HDAC9: variants seen among roughly 807,000 people sequenced by gnomAD.
HDAC9 encodes histone deacetylase 9.
Under a neutral mutation model 139.4 loss-of-function variants are expected in HDAC9, and 41 were observed. The ratio of observed to expected loss-of-function variants is 0.29; its 90% CI spans 0.23 to 0.38. HDAC9 has a LOEUF of 0.38. Among genes scored for constraint, HDAC9 ranks in the 10% least tolerant of loss-of-function variants. HDAC9 has a pLI of 1.00. For synonymous variants in HDAC9, 517 were observed against 476.2 expected (o/e 1.09, Z -1.12); for missense variants, 1,147 against 1,297.0 (o/e 0.88, Z 1.78).
intron 17 of HDAC9, among the ~76,000 whole-genome samples, chr7:18,817,098 G>T (rs1290450959): frequency 6.6e-6 from 1 of 150,832 alleles, no homozygotes; most frequent in Non-Finnish European, 1.5e-5. Flanking sequence ...ACAGTGGTGC[G>T]ATCTGGGCTC....
At chr7:18,573,488 G>T (rs1476976701) in intron 2 of HDAC9, among the ~76,000 whole-genome samples, 2 of 152,226 alleles carry the variant, frequency 1.3e-5, no homozygotes, top group Non-Finnish European at 2.9e-5. Flanking sequence ...TTCTGCCTGA[G>T]TATTGCTAGT....
chr7:18,094,472 G>T (rs1413562269), intron 1 of HDAC9, among the ~76,000 whole-genome samples: 10 of 140,148 alleles, frequency 7.1e-5, no homozygotes, highest in African/African-American at 2.2e-4. Context: ...GCAGGGTCTT[G>T]CTCTACTCCC....
intron 14 of HDAC9, among the ~76,000 whole-genome samples, chr7:18,752,714 GA>G (rs1367201507): frequency 4.6e-5 from 7 of 152,108 alleles, no homozygotes; most frequent in Non-Finnish European, 7.4e-5. Flanking sequence ...GATTCCACAG[GA>G]AAGGGTATAA....
chr7:18,303,375 TTGTGTGTGTGTGTGTGTG>T (rs71014320), intron 1 of HDAC9, among the ~76,000 whole-genome samples: 241 of 127,790 alleles, frequency 1.9e-3, no homozygotes, highest in Middle Eastern at 3.7e-3. Context: ...CCCAGCCAAT[TTGTGTGTGTGTGTGTGTG>T]TGTGTGTGTG....
At chr7:18,684,726 C>T (rs978465883) in intron 12 of HDAC9, among the ~76,000 whole-genome samples, 3 of 151,832 alleles carry the variant, frequency 2.0e-5, no homozygotes, top group Non-Finnish European at 2.9e-5. Context: ...CCCCAAGAGA[C>T]AGTTGGTTTA....
chr7:18,648,671 C>G lies in HDAC9; in HGVS notation c.1455C>G (p.Ile485Met). 6.2e-7 allele frequency: 1 copy of G among 1,611,768 alleles called. No homozygotes were observed. Among genetic ancestry groups the G allele is most frequent in the Non-Finnish European group, 8.5e-7 (1 of 1,178,752 alleles). Residue 485 changes from isoleucine to methionine, a missense_variant, in exon 11 of 26, where the codon ATC (isoleucine) becomes ATG (methionine). By Grantham distance (10) the Ile-to-Met change is conservative. Transcript: ENST00000686413. Reference sequence around the variant, plus strand: ...AGCAGAAGCAATACCAGCAGCAGATCCACATGAACAAAGTAAGCCTCCAAG... The same window carrying G: ...AGCAGAAGCAATACCAGCAGCAGATGCACATGAACAAAGTAAGCCTCCAAG... ...LEKQKQYQQQ[I>M]HMNKLLSKSI...
chr7:18,231,896 C>T (rs796126176), intron 2 of HDAC9, among the ~76,000 whole-genome samples: 11 of 152,108 alleles, frequency 7.2e-5, no homozygotes, highest in African/African-American at 2.7e-4. Flanking sequence ...CATTTGTATT[C>T]CATTGTTAAA....
chr7:18,981,907 G>T (rs1302705553), intron 25 of HDAC9, among the ~76,000 whole-genome samples: 1 of 151,600 alleles, frequency 6.6e-6, no homozygotes, highest in South Asian at 2.1e-4. Context: ...TATAATAAAT[G>T]ACAAGTCTTT....
At chr7:18,466,768 G>T (rs1794313027) in intron 1 of HDAC9, among the ~76,000 whole-genome samples, 2 of 152,094 alleles carry the variant, frequency 1.3e-5, no homozygotes, top group Non-Finnish European at 2.9e-5. Flanking sequence ...GTAAGACTAG[G>T]GGGGTGAAAA....
In HDAC9 at chr7:18,593,879, A is replaced by T. The variant is rs373065664; in HGVS notation, c.543-29A>T. ...CAATATGCAGTAAAAACTACCAAGT[A>T]AATAGTGAAACTTCCTTGTCTTTTC... On this transcript the variant is annotated intron_variant, in intron 5 of 25. Coordinates refer to ENST00000686413, the MANE Select transcript of HDAC9 (RefSeq NM_178425.4). 1.2e-5 allele frequency: 20 copies of T among 1,611,216 alleles called. No homozygotes were observed. In the African/African-American group the frequency reaches 2.4e-4, roughly 19 times the overall value.
chr7:18,760,947 GGT>G (rs1389712416), intron 14 of HDAC9, among the ~76,000 whole-genome samples: 1 of 152,218 alleles, frequency 6.6e-6, no homozygotes, highest in East Asian at 1.9e-4. Flanking sequence ...TCCTGAGAGA[GGT>G]GTTGTCACCT....
At chr7:18,356,357 G>GTTTT (rs1562911066) in intron 1 of HDAC9, among the ~76,000 whole-genome samples, 4 of 27,322 alleles carry the variant, frequency 1.5e-4, no homozygotes, top group Admixed American at 5.5e-4. Flanking sequence ...GCAGCACATA[G>GTTTT]GTTTTTTTTT....
intron 2 of HDAC9, among the ~76,000 whole-genome samples, chr7:18,530,817 T>C (rs1808667331): frequency 6.7e-6 from 1 of 149,812 alleles, no homozygotes; most frequent in Non-Finnish European, 1.5e-5. Context: ...TATATGTATA[T>C]ATAAATACAT....
At chr7:18,408,516 T>C (rs1407284468) in intron 1 of HDAC9, among the ~76,000 whole-genome samples, 1 of 152,192 alleles carries the variant, frequency 6.6e-6, no homozygotes, top group Non-Finnish European at 1.5e-5. Context: ...GGAAAATAGC[T>C]CTTCCTGGTT....
chr7:18,458,487 T>C (rs1318939733), intron 1 of HDAC9, among the ~76,000 whole-genome samples: 1 of 152,210 alleles, frequency 6.6e-6, no homozygotes, highest in Non-Finnish European at 1.5e-5. Flanking sequence ...TTAATACTCT[T>C]GTAGTTTGTT....
chr7:18,972,535 C>T (rs1231940895), intron 24 of HDAC9, among the ~76,000 whole-genome samples: 1 of 151,976 alleles, frequency 6.6e-6, no homozygotes, highest in Non-Finnish European at 1.5e-5. Flanking sequence ...CATGCACCAC[C>T]ACGCCTGGAT....
At chr7:18,879,355 G>C (rs1416583887) in intron 22 of HDAC9, among the ~76,000 whole-genome samples, 1 of 151,984 alleles carries the variant, frequency 6.6e-6, no homozygotes, top group African/African-American at 2.4e-5. Flanking sequence ...AATAGCTAAG[G>C]CAATCCTAAG....
intron 1 of HDAC9, among the ~76,000 whole-genome samples, chr7:18,133,859 T>C (rs953832231): frequency 1.8e-4 from 27 of 152,176 alleles, no homozygotes; most frequent in South Asian, 8.3e-4. Flanking sequence ...CATTTTACTT[T>C]CTTATTTGCT....
intron 19 of HDAC9, among the ~76,000 whole-genome samples, chr7:18,833,307 C>T (rs1184021508): frequency 6.6e-6 from 1 of 152,130 alleles, no homozygotes; most frequent in African/African-American, 2.4e-5. Context: ...TCTGAGAGAA[C>T]ATATCATTTT....
Sources: allele counts gnomAD v4.1 joint callset (sites outside exome capture counted in the v4.1 genomes callset), GRCh38; gene constraint gnomAD v4.1.1; transcripts MANE v1.5; gene names NCBI Gene and HGNC (gene_info 2026-07-23, HGNC 2026-07-21).